Variants in DNAH3 observed in about 807,000 individuals in gnomAD.
DNAH3 encodes axonemal beta dynein heavy chain 3.
DNAH3 carries 332 observed loss-of-function variants against 432.5 expected under a neutral mutation model. The ratio of observed to expected loss-of-function variants is 0.77; its 90% CI spans 0.70 to 0.84. The LOEUF is 0.84. DNAH3 is among the 40% of genes least tolerant of loss of function. The pLI, the probability that DNAH3 is intolerant of heterozygous loss-of-function variation, is 0.00. For synonymous variants in DNAH3, 1,956 were observed against 1,900.2 expected (o/e 1.03, Z -0.76); for missense variants, 4,861 against 5,114.0 (o/e 0.95, Z 1.51).
chr16:21,020,522 C>T (rs1278369500), intron 40 of DNAH3, among the ~76,000 whole-genome samples: 1 of 147,694 alleles, frequency 6.8e-6, no homozygotes, highest in Non-Finnish European at 1.5e-5. Context: ...CCTGCCTCAG[C>T]CTCCCAAGTA....
intron 31 of DNAH3, among the ~76,000 whole-genome samples, chr16:21,046,059 TTC>T (rs1199747036): frequency 4.0e-5 from 6 of 151,704 alleles, no homozygotes; most frequent in Non-Finnish European, 7.4e-5. Flanking sequence ...ATAATTTCTG[TTC>T]TTTTACATTT....
intron 15 of DNAH3, among the ~76,000 whole-genome samples, chr16:21,105,730 C>T (rs1348340707): frequency 6.6e-6 from 1 of 151,910 alleles, no homozygotes; most frequent in Non-Finnish European, 1.5e-5. Flanking sequence ...TGGCACTGCA[C>T]TACAGCCTGG....
At chr16:21,080,649 G>A (rs1271766459) in intron 20 of DNAH3, among the ~76,000 whole-genome samples, 1 of 152,184 alleles carries the variant, frequency 6.6e-6, no homozygotes, top group African/African-American at 2.4e-5. Context: ...ATTTGATTAT[G>A]TGGGTTGGGT....
chr16:21,063,201 A>G (rs2090424921), intron 24 of DNAH3, among the ~76,000 whole-genome samples: 1 of 152,218 alleles, frequency 6.6e-6, no homozygotes, highest in Admixed American at 6.5e-5. Flanking sequence ...GAGCTTATAC[A>G]AAATTCCAGA....
exon 46 of DNAH3, chr16:20,987,830 G>T: frequency 6.2e-7 from 1 of 1,614,094 alleles, no homozygotes; most frequent in Non-Finnish European, 8.5e-7. Context: ...TTAGTAGCTT[G>T]GACCAGCATC....
chr16:20,985,166 T>C (rs950094887), exon 48 of DNAH3: 1 of 1,614,214 alleles, frequency 6.2e-7, no homozygotes, highest in Non-Finnish European at 8.5e-7. Flanking sequence ...TTCTCCACGA[T>C]GTCAGCCTTC....
At chr16:20,970,818 C>G (rs2085304578) in intron 51 of DNAH3, among the ~76,000 whole-genome samples, 1 of 151,532 alleles carries the variant, frequency 6.6e-6, no homozygotes, top group Admixed American at 6.6e-5. Flanking sequence ...TCTTGCTCTT[C>G]CAGTCTTTGT....
At chr16:20,938,651 T>C (rs2083684773) in intron 59 of DNAH3, among the ~76,000 whole-genome samples, 1 of 119,968 alleles carries the variant, frequency 8.3e-6, no homozygotes, top group Admixed American at 1.0e-4. Context: ...GGGCTTCCTA[T>C]ATCACTGGGT....
chr16:21,122,479 C>G (rs2092364457), intron 9 of DNAH3, among the ~76,000 whole-genome samples: 1 of 152,110 alleles, frequency 6.6e-6, no homozygotes, highest in South Asian at 2.1e-4. Context: ...ATCACTTGAA[C>G]CCAGGAGGCA....
At chr16:21,121,028 C>G (rs2092328398) in intron 10 of DNAH3, 1 of 698,356 alleles carries the variant, frequency 1.4e-6, no homozygotes, top group Non-Finnish European at 2.6e-6. Context: ...GCTTGGGCCT[C>G]CTTGCACTGC....
At chr16:21,015,759 C>A (rs553206089) in intron 41 of DNAH3, among the ~76,000 whole-genome samples, 1 of 152,010 alleles carries the variant, frequency 6.6e-6, no homozygotes, top group Non-Finnish European at 1.5e-5. Flanking sequence ...AGTTAAAATG[C>A]GATATGATTT....
chr16:20,962,672 T>TG (rs1333296937), intron 53 of DNAH3, among the ~76,000 whole-genome samples: 2 of 152,018 alleles, frequency 1.3e-5, no homozygotes, highest in Non-Finnish European at 1.5e-5. Flanking sequence ...TGTTCTTTTT[T>TG]GGGGGGAGGG....
intron 32 of DNAH3, among the ~76,000 whole-genome samples, chr16:21,040,669 A>G (rs1456290674): frequency 6.6e-6 from 1 of 152,070 alleles, no homozygotes; most frequent in Admixed American, 6.6e-5. Context: ...CCAGCCAGAC[A>G]GATCTTGATT....
At chr16:21,052,331 C>T (rs1223697699) in intron 28 of DNAH3, among the ~76,000 whole-genome samples, 6 of 152,216 alleles carry the variant, frequency 3.9e-5, no homozygotes, top group Non-Finnish European at 2.9e-5. Context: ...TGCCCACCCC[C>T]AACCTGCAGG....
intron 40 of DNAH3, 60 bp from the exon 41 acceptor site, chr16:21,019,929 G>C: frequency 1.9e-6 from 3 of 1,582,634 alleles, no homozygotes; most frequent in Non-Finnish European, 2.6e-6. Context: ...TGTAAGGGCT[G>C]TGAACTGGTT....
chr16:20,979,002 T>G (rs548820388), intron 50 of DNAH3, among the ~76,000 whole-genome samples: 1 of 151,614 alleles, frequency 6.6e-6, no homozygotes, highest in South Asian at 2.1e-4. Flanking sequence ...CAGGTCCCCA[T>G]AAGGTGAGAC....
At chr16:20,981,195 G>C (rs2085880043) in intron 49 of DNAH3, among the ~76,000 whole-genome samples, 1 of 152,140 alleles carries the variant, frequency 6.6e-6, no homozygotes, top group Admixed American at 6.6e-5. Flanking sequence ...CATCCCACTG[G>C]GGTTTACTGC....
chr16:20,939,834 A>T (rs2083738227), intron 59 of DNAH3, among the ~76,000 whole-genome samples: 1 of 152,192 alleles, frequency 6.6e-6, no homozygotes, highest in African/African-American at 2.4e-5. Flanking sequence ...GCTCTGAGTC[A>T]CTTGAGACCT....
At chr16:21,058,732 C>T (rs550928098) in intron 26 of DNAH3, among the ~76,000 whole-genome samples, 3 of 152,218 alleles carry the variant, frequency 2.0e-5, no homozygotes, top group South Asian at 2.1e-4. Flanking sequence ...CAAACTAACA[C>T]GGGAACAGAA....
Sources: allele counts gnomAD v4.1 joint callset (sites outside exome capture counted in the v4.1 genomes callset), GRCh38; gene constraint gnomAD v4.1.1; transcripts MANE v1.5; gene names NCBI Gene and HGNC (gene_info 2026-07-23, HGNC 2026-07-21).